Variants in CREM observed in about 807,000 individuals in gnomAD.
CREM encodes the protein cAMP responsive element modulator, also known as cAMP-responsive element modulator.
Under a neutral mutation model 37.3 loss-of-function variants are expected in CREM, and 13 were observed. The observed-to-expected ratio is 0.35, with a 90% confidence interval of 0.23 to 0.55. The LOEUF is 0.55. Among genes scored for constraint, CREM ranks in the 20% least tolerant of loss-of-function variants. The probability of loss-of-function intolerance (pLI) is 0.88; values close to 1 mark genes in which losing one functional copy is unlikely to be tolerated. For synonymous variants in CREM, 124 were observed against 120.2 expected, an observed-to-expected ratio of 1.03 and a Z score of -0.21; for missense variants, 296 against 362.3, an observed-to-expected ratio of 0.82 and a Z score of 1.49.
At chr10:35,186,899 AAAT>A (rs2094584232) in intron 5 of CREM, among the ~76,000 whole-genome samples, 1 of 86,524 alleles carries the variant, frequency 1.2e-5, no homozygotes, top group African/African-American at 4.3e-5. Context: ...ATAATTATAA[AAAT>A]ATAATAATTA....
At position 35,178,908 on chromosome 10, in the gene CREM, C is replaced by T; in HGVS notation, c.188C>T (p.Thr63Ile). The change falls in exon 4 of 8, where the codon ACA becomes ATA. Residue 63 changes from threonine (T) to isoleucine (I), a missense_variant. Physicochemically the swap from Thr to Ile is moderately conservative, Grantham distance 89. Transcript: ENST00000685392. ...ALAQVAAIAE[T>I]DESAESEGVI... ...TTATAGGTAGCAGCAATTGCAGAGA[C>T]AGATGAATCTGCAGAATCAGAAGGT... 6.2e-7 allele frequency: 1 copy of T among 1,611,830 alleles called. No individual in the cohort carries two copies. Among genetic ancestry groups the T allele is most frequent in the Non-Finnish European group, 8.5e-7 (1 of 1,179,154 alleles).
chr10:35,208,784 A>G (rs1014798954), intron 7 of CREM, among the ~76,000 whole-genome samples: 4 of 152,146 alleles, frequency 2.6e-5, no homozygotes, highest in African/African-American at 9.7e-5. Context: ...CCTACATTTC[A>G]TTGGCTAGAA....
chr10:35,195,834 TC>T, intron 6 of CREM: 2 of 543,338 alleles, frequency 3.7e-6, no homozygotes, highest in Non-Finnish European at 6.5e-6. Flanking sequence ...AAGTTAAAAC[TC>T]CAAGCGAGCT....
In CREM at chr10:35,126,916, C is replaced by T. The variant is rs2087871173; in HGVS notation, c.-332C>T. ...GCGGAGTTCGAGCCTGGATTTTTTT[C>T]CTCGGGGCCTCCCCCGGGAGGCCGT... On this transcript the variant is annotated 5_prime_UTR_variant, in exon 1 of 8. Transcript: ENST00000685392. The T allele has an allele frequency of 6.6e-6, 1 of 152,162 alleles. No homozygotes were observed. Among genetic ancestry groups the T allele is most frequent in the Admixed American group, 6.5e-5 (1 of 15,282 alleles). The allele number at this position is 152,162 out of a possible 1,614,324, so 9.4% of individuals were successfully genotyped here.
chr10:35,175,692 A>G, intron 3 of CREM: 1 of 1,614,196 alleles, frequency 6.2e-7, no homozygotes, highest in South Asian at 1.1e-5. Flanking sequence ...CAGGACAGTA[A>G]CCACCTCCCG....
intron 6 of CREM, chr10:35,196,313 A>G (rs1245611547): frequency 9.4e-6 from 5 of 532,734 alleles, no homozygotes. Flanking sequence ...GTAATCGGTA[A>G]TTTTTCACTA....
At chr10:35,188,901 C>T (rs1297833792) in intron 6 of CREM, among the ~76,000 whole-genome samples, 7 of 152,074 alleles carry the variant, frequency 4.6e-5, no homozygotes, top group Admixed American at 1.3e-4. Flanking sequence ...CAGATGGAGT[C>T]GTCCTGACCT....
At chr10:35,187,385 G>A (rs138631765) in intron 5 of CREM, among the ~76,000 whole-genome samples, 3,839 of 146,906 alleles carry the variant, frequency 0.026, 169 homozygotes, top group African/African-American at 0.089. Flanking sequence ...TCAGCCTCCC[G>A]AGTAACTGGG....
intron 3 of CREM, chr10:35,167,624 A>G (rs2093616171): frequency 5.4e-6 from 6 of 1,113,190 alleles, no homozygotes; most frequent in African/African-American, 4.7e-5. Flanking sequence ...AAGTGTCACT[A>G]TTAGGGTTTT....
chr10:35,169,519 A>G lies in CREM; in HGVS notation c.169-9370A>G, dbSNP rs535532830. The stretch of plus-strand genomic sequence containing the variant: ...GCTGAGACGATGGGGTTTTCTAAAT[A>G]TACAATCATGTCATCTGCAAACAGG... On this transcript the variant is annotated intron_variant, in intron 3 of 7. Coordinates refer to ENST00000685392, the MANE Select transcript of CREM (RefSeq NM_183011.2). Among the ~76,000 whole-genome samples, 147 of 152,342 alleles carry G rather than the reference A, an allele frequency of 9.6e-4. 1 individual carries two copies. In the Middle Eastern group the frequency reaches 0.014, roughly 14 times the overall value.
chr10:35,158,470 TC>T, intron 3 of CREM: 1 of 242,592 alleles, frequency 4.1e-6, no homozygotes, highest in South Asian at 4.7e-5. Flanking sequence ...TAAAAAGAGT[TC>T]AAGGCGAACG....
intron 6 of CREM, among the ~76,000 whole-genome samples, chr10:35,194,226 T>G (rs1054525999): frequency 6.6e-6 from 1 of 152,022 alleles, no homozygotes; most frequent in African/African-American, 2.4e-5. Context: ...ATTCGCCCAT[T>G]TTTGTGTCTA....
At chr10:35,142,698 T>G (rs956572218) in intron 2 of CREM, among the ~76,000 whole-genome samples, 1 of 152,188 alleles carries the variant, frequency 6.6e-6, no homozygotes. Context: ...CTTGACCTCC[T>G]GAGCTCAAGT....
chr10:35,163,681 CATG>C, intron 3 of CREM, among the ~76,000 whole-genome samples: 1 of 152,150 alleles, frequency 6.6e-6, no homozygotes, highest in Non-Finnish European at 1.5e-5. Context: ...AGTAGCCAGG[CATG>C]GTGGTGGGCA....
intron 3 of CREM, chr10:35,167,587 A>C (rs2093614526): frequency 3.8e-6 from 3 of 780,852 alleles, no homozygotes; most frequent in Non-Finnish European, 2.1e-6. Context: ...ATGCTGTGTT[A>C]CAACACTGTG....
chr10:35,195,111 C>A, intron 6 of CREM: 1 of 1,478,894 alleles, frequency 6.8e-7, no homozygotes, highest in Non-Finnish European at 9.4e-7. Context: ...GCTTATCCTG[C>A]ACATGCTTGC....
Position 35,206,247 on chromosome 10 carries a change from C to CA in CREM, c.599-635dup, listed in dbSNP as rs1032228778. On this transcript the variant is annotated intron_variant, in intron 6 of 7. Coordinates refer to ENST00000685392, the MANE Select transcript of CREM (RefSeq NM_183011.2). ...TGGGCGACAGAGCGAGACTCCGTCT[C>CA]AAAAAAAAAAAAATATGTGTGTGTA... Among the ~76,000 whole-genome samples the CA allele has an allele frequency of 4.5e-3, 489 of 109,190 alleles. 4 individuals carry two copies. The highest frequency in any genetic ancestry group is 0.019 in the South Asian group (67 of 3,568). 71.6% of individuals were successfully genotyped at this position (109,190 alleles called of 152,430 possible). A position where few individuals can be genotyped will look rare whatever the true frequency, so the allele number is the denominator to read the frequency against.
At chr10:35,153,485 A>G (rs1370863787) in intron 3 of CREM, among the ~76,000 whole-genome samples, 1 of 152,112 alleles carries the variant, frequency 6.6e-6, no homozygotes, top group Admixed American at 6.5e-5. Context: ...CATTTCACAA[A>G]TGTATGATCT....
At chr10:35,166,684 G>A (rs186396482) in intron 3 of CREM, among the ~76,000 whole-genome samples, 12 of 152,142 alleles carry the variant, frequency 7.9e-5, no homozygotes, top group African/African-American at 2.4e-4. Flanking sequence ...AGCCAACATT[G>A]TGCCACTGAA....
Sources: gnomAD v4.1 joint callset for allele counts (sites outside exome capture counted in the v4.1 genomes callset) on GRCh38, gnomAD v4.1.1 for gene constraint, MANE v1.5 for transcripts, NCBI Gene and HGNC (gene_info 2026-07-23, HGNC 2026-07-21) for gene names.